Variants in SPTBN5 observed in about 807,000 individuals in gnomAD.
SPTBN5 encodes spectrin beta, non-erythrocytic 5.
In SPTBN5, 513 loss-of-function variants were observed where a neutral mutation model predicts 477.6. The observed-to-expected ratio is 1.07, with a 90% CI of 1.00 to 1.16. The LOEUF (loss-of-function observed/expected upper bound fraction) is 1.16. SPTBN5 is among the 50% of genes most tolerant of loss of function. The pLI, the probability that SPTBN5 is intolerant of heterozygous loss-of-function variation, is 0.00. For missense variants in SPTBN5, 5,062 were observed against 4,731.8 expected, an observed-to-expected ratio of 1.07 and a Z score of -2.05; for synonymous variants, 2,169 against 2,011.7, an observed-to-expected ratio of 1.08 and a Z score of -2.09.
In SPTBN5 at chr15:41,863,739, C is replaced by T; in HGVS notation, c.7114G>A (p.Glu2372Lys). The change falls in exon 41 of 68, where the codon GAG (glutamate) becomes AAG (lysine). Residue 2372 changes from glutamate (E) to lysine (K), a missense_variant. Physicochemically the swap from Glu to Lys is moderately conservative, Grantham distance 56. Transcript: ENST00000320955. ...GALEIHVLSR[E>K]LDNVTKRIQE... The stretch of plus-strand genomic sequence containing the variant: ...ATCCTCTTGGTGACATTGTCCAGCT[C>T]TCGGGACAACACGTGTATCTCCAAG... 6.2e-7 allele frequency: 1 copy of T among 1,613,666 alleles called. No individual in the cohort carries two copies. The highest frequency in any genetic ancestry group is 1.1e-5 in the South Asian group (1 of 91,080).
intron 29 of SPTBN5, among the ~76,000 whole-genome samples, chr15:41,871,054 G>A (rs2066517225): frequency 6.6e-6 from 1 of 152,254 alleles, no homozygotes; most frequent in Non-Finnish European, 1.5e-5. Context: ...AACCACACGA[G>A]GCATGGGCTG....
chr15:41,848,208 T>C lies in SPTBN5; in HGVS notation c.*408A>G, dbSNP rs543883727. ...GGCCATGTCATTCTAGGCTCTTGGCTGTACATGGCAAGGGCTGGTACAGAG... is the reference window on the plus strand; with the variant it reads ...GGCCATGTCATTCTAGGCTCTTGGCCGTACATGGCAAGGGCTGGTACAGAG... On this transcript the variant is annotated 3_prime_UTR_variant, in exon 68 of 68. Coordinates refer to ENST00000320955, the MANE Select transcript of SPTBN5 (RefSeq NM_016642.4). The C allele has an allele frequency of 3.9e-6, 2 of 508,532 alleles. No homozygotes were observed. Among genetic ancestry groups the C allele is most frequent in the Non-Finnish European group, 7.1e-6 (2 of 281,246 alleles). The allele number at this position is 508,532 out of a possible 1,614,324, so 31.5% of individuals were successfully genotyped here.
Sources: gnomAD v4.1 joint callset for allele counts (sites outside exome capture counted in the v4.1 genomes callset) on GRCh38, gnomAD v4.1.1 for gene constraint, MANE v1.5 for transcripts, NCBI Gene and HGNC (gene_info 2026-07-23, HGNC 2026-07-21) for gene names.